CES5A: variants seen among roughly 807,000 people sequenced by gnomAD.
The protein encoded by CES5A is carboxylesterase 5A, also known as carboxylesterase 5.
CES5A carries 67 observed loss-of-function variants against 62.9 expected under a neutral mutation model. That is an observed-to-expected ratio of 1.07 (90% confidence interval 0.88 to 1.31). The LOEUF (loss-of-function observed/expected upper bound fraction) is 1.31. Ranked by LOEUF, CES5A falls within the 50% of genes most tolerant of loss-of-function variation. CES5A has a pLI of 0.00. For missense variants in CES5A, 748 were observed against 708.5 expected, an observed-to-expected ratio of 1.06 and a Z score of -0.63; for synonymous variants, 296 against 280.8, an observed-to-expected ratio of 1.05 and a Z score of -0.54.
chr16:55,925,179 T>A (rs1327926054), intron 1 of CES5A: 4 of 151,212 alleles, frequency 2.6e-5, no homozygotes, highest in Non-Finnish European at 4.4e-5. Flanking sequence ...AAATAAACAA[T>A]CCAAATAAAA....
At chr16:55,942,518 A>G (rs1394662937) in intron 2 of CES5A, among the ~76,000 whole-genome samples, 3 of 152,226 alleles carry the variant, frequency 2.0e-5, no homozygotes, top group Non-Finnish European at 2.9e-5. Flanking sequence ...GCTCACCAGA[A>G]TGGCTATTCT....
Position 55,849,504 on chromosome 16 carries a change from T to C in CES5A, c.1423+120A>G, listed in dbSNP as rs2033083819. ...GAGGGCATTTTCCAGAGAAAGGTTG[T>C]GTCCGCCTATAAACCACAGAGGTAA... is the stretch of plus-strand genomic sequence containing the variant. On this transcript the variant is annotated intron_variant, in intron 11 of 12. Coordinates refer to ENST00000290567, the MANE Select transcript of CES5A (RefSeq NM_001143685.2). 3.7e-6 allele frequency: 4 copies of C among 1,069,986 alleles called. No homozygotes were observed. The Admixed American group carries it at 7.1e-5, about 19-fold the overall frequency. The allele number at this position is 1,069,986 out of a possible 1,614,324, so 66.3% of individuals were successfully genotyped here. A position where few individuals can be genotyped will look rare whatever the true frequency, so the allele number is the denominator to read the frequency against.
intron 2 of CES5A, among the ~76,000 whole-genome samples, chr16:55,936,198 T>A (rs1389583096): frequency 1.3e-5 from 2 of 152,218 alleles, no homozygotes; most frequent in African/African-American, 2.4e-5. Context: ...CTCAGCAGCA[T>A]GCCTAACTTC....
chr16:55,920,244 A>G (rs528481769), intron 1 of CES5A, among the ~76,000 whole-genome samples: 2 of 152,218 alleles, frequency 1.3e-5, no homozygotes, highest in South Asian at 4.2e-4. Flanking sequence ...TTGTTCTCCA[A>G]CTCACTGTTT....
chr16:55,914,854 G>A (rs1478235197), intron 1 of CES5A, among the ~76,000 whole-genome samples: 2 of 152,116 alleles, frequency 1.3e-5, no homozygotes, highest in Non-Finnish European at 2.9e-5. Context: ...TAATGGTATT[G>A]TACCCTCGTT....
intron 1 of CES5A, among the ~76,000 whole-genome samples, chr16:55,955,280 T>C (rs1190926940): frequency 1.3e-5 from 2 of 152,166 alleles, no homozygotes; most frequent in African/African-American, 2.4e-5. Context: ...TAGTTTCCTG[T>C]TGAGTCAAAA....
At chr16:55,889,312 C>T (rs1291004718) in intron 1 of CES5A, among the ~76,000 whole-genome samples, 2 of 152,162 alleles carry the variant, frequency 1.3e-5, no homozygotes, top group African/African-American at 2.4e-5. Flanking sequence ...AGCAGCAAAT[C>T]CCACAGGTTG....
intron 1 of CES5A, among the ~76,000 whole-genome samples, chr16:55,894,978 C>T (rs2033917244): frequency 6.6e-6 from 1 of 152,190 alleles, no homozygotes; most frequent in African/African-American, 2.4e-5. Flanking sequence ...TGAAAGTTCT[C>T]ACATATTCCT....
chr16:55,950,262 T>TCC (rs1226559819), intron 1 of CES5A, among the ~76,000 whole-genome samples: 1 of 152,054 alleles, frequency 6.6e-6, no homozygotes, highest in African/African-American at 2.4e-5. Flanking sequence ...GAAAGAAAAG[T>TCC]CCTAAATTTA....
Position 55,869,728 on chromosome 16 carries a change from G to A in CES5A, c.434C>T (p.Pro145Leu), listed in dbSNP as rs145577128. 12,832 of 1,604,628 alleles carry A rather than the reference G, an allele frequency of 8.0e-3. 71 individuals carry two copies. The highest frequency in any genetic ancestry group is 9.6e-3 in the Non-Finnish European group (11,296 of 1,174,426). Residue 145 changes from proline (P) to leucine (L), a missense_variant, in exon 4 of 13, where the codon CCA (proline) becomes CTA (leucine). Transcript: ENST00000290567. ...GSKLPVLVWF[P>L]GGAFKTGSAS... ...TGAGCCAGTCTTGAAGGCACCTCCT[G>A]GGAACCACACCAAGACCTGAGGAGG...
At chr16:55,866,588 C>T (rs1240162095) in intron 4 of CES5A, among the ~76,000 whole-genome samples, 10 of 148,448 alleles carry the variant, frequency 6.7e-5, no homozygotes, top group Non-Finnish European at 1.3e-4. Context: ...TTTGGGAGGC[C>T]GAGGCGGGCA....
intron 1 of CES5A, among the ~76,000 whole-genome samples, chr16:55,910,442 C>T (rs2034081918): frequency 6.6e-6 from 1 of 152,162 alleles, no homozygotes. Flanking sequence ...ACTCATCTAC[C>T]CCTTTCCTGA....
chr16:55,928,389 GTGGTATAA>G (rs2034278905), upstream of CES5A, among the ~76,000 whole-genome samples: 1 of 152,148 alleles, frequency 6.6e-6, no homozygotes, highest in Non-Finnish European at 1.5e-5. Context: ...GGCATACAAA[GTGGTATAA>G]TGGACACTGG....
chr16:55,932,568 G>T (rs1192430276), intron 2 of CES5A, among the ~76,000 whole-genome samples: 1 of 140,106 alleles, frequency 7.1e-6, no homozygotes, highest in East Asian at 2.5e-4. Context: ...ATGGGGGGGG[G>T]AGGGTGGGCA....
chr16:55,860,144 C>T (rs183225579), intron 7 of CES5A, among the ~76,000 whole-genome samples: 2 of 151,522 alleles, frequency 1.3e-5, no homozygotes, highest in Admixed American at 1.3e-4. Context: ...GGGGAGCTCC[C>T]CTGAACAAGC....
intron 1 of CES5A, among the ~76,000 whole-genome samples, chr16:55,889,734 T>G (rs1225577241): frequency 6.6e-6 from 1 of 151,926 alleles, no homozygotes; most frequent in African/African-American, 2.4e-5. Flanking sequence ...TTAACCCAAC[T>G]TTCAATGTCT....
Position 55,875,233 on chromosome 16 carries a change from C to A in CES5A, c.-12G>T, listed in dbSNP as rs763597097. Reference sequence around the variant, plus strand: ...CAATTCCCACTCATTTGGCTGCCTGCCTGCACTCTGTGAACATTGACGGCG... The same window carrying A: ...CAATTCCCACTCATTTGGCTGCCTGACTGCACTCTGTGAACATTGACGGCG... On this transcript the variant is annotated 5_prime_UTR_variant, in exon 1 of 13. Transcript: ENST00000290567. 6 of 1,612,484 alleles carry A rather than the reference C, an allele frequency of 3.7e-6. No individual in the cohort carries two copies. The Admixed American group carries it at 6.7e-5, about 18-fold the overall frequency.
chr16:55,947,044 G>T (rs776497553), intron 2 of CES5A, among the ~76,000 whole-genome samples: 1 of 152,224 alleles, frequency 6.6e-6, no homozygotes, highest in African/African-American at 2.4e-5. Context: ...CACAGGAGGG[G>T]CATGGGAAGG....
At chr16:55,901,493 T>C (rs139424811) in intron 1 of CES5A, among the ~76,000 whole-genome samples, 1 of 152,150 alleles carries the variant, frequency 6.6e-6, no homozygotes, top group African/African-American at 2.4e-5. Context: ...ATAAAGCCCC[T>C]CAGCAAAAAA....
Sources: allele counts gnomAD v4.1 joint callset (sites outside exome capture counted in the v4.1 genomes callset), GRCh38; gene constraint gnomAD v4.1.1; transcripts MANE v1.5; gene names NCBI Gene and HGNC (gene_info 2026-07-23, HGNC 2026-07-21).